GRIA1: variants seen among roughly 807,000 people sequenced by gnomAD.
GRIA1 encodes the protein glutamate ionotropic receptor AMPA type subunit 1.
A neutral mutation model predicts 99.2 loss-of-function variants in GRIA1; 31 were observed. The observed-to-expected ratio is 0.31, with a 90% CI of 0.23 to 0.42. The LOEUF (loss-of-function observed/expected upper bound fraction) is 0.42, where lower values mean the gene tolerates loss of function less well. GRIA1 is among the 10% of genes least tolerant of loss of function. GRIA1 has a pLI of 1.00. For synonymous variants in GRIA1, 438 were observed against 432.4 expected, an observed-to-expected ratio of 1.01 and a Z score of -0.16; for missense variants, 782 against 1,157.5, an observed-to-expected ratio of 0.68 and a Z score of 4.71.
intron 7 of GRIA1, among the ~76,000 whole-genome samples, chr5:153,681,055 TG>T (rs1193756593): frequency 6.6e-6 from 1 of 152,210 alleles, no homozygotes; most frequent in Non-Finnish European, 1.5e-5. Flanking sequence ...CTAATAGTTT[TG>T]TAGGCTGCAC....
At chr5:153,685,998 A>G (rs1053478267) in intron 7 of GRIA1, among the ~76,000 whole-genome samples, 1 of 152,234 alleles carries the variant, frequency 6.6e-6, no homozygotes, top group African/African-American at 2.4e-5. Context: ...ATTTGCCTAA[A>G]GAAATAGGTA....
At chr5:153,620,325 G>A (rs901399238) in intron 2 of GRIA1, among the ~76,000 whole-genome samples, 1 of 151,746 alleles carries the variant, frequency 6.6e-6, no homozygotes, top group African/African-American at 2.4e-5. Flanking sequence ...TGCTTAGAGA[G>A]GACACAAACA....
intron 1 of GRIA1, chr5:153,492,331 G>A (rs1351975654): frequency 6.6e-7 from 1 of 1,516,270 alleles, no homozygotes; most frequent in Non-Finnish European, 8.8e-7. Flanking sequence ...GTGTGTTAGT[G>A]CCTAACACGC....
rs576995939 is a variant in GRIA1 at position 153,529,706 on chromosome 5, T to G, written c.220+35641T>G. Among the ~76,000 whole-genome samples the G allele has an allele frequency of 1.7e-3, 257 of 152,318 alleles. 2 individuals are homozygous for G. The highest frequency in any genetic ancestry group is 5.7e-3 in the African/African-American group (235 of 41,580). On this transcript the variant is annotated intron_variant, in intron 2 of 15. Transcript: ENST00000285900. ...GGCACTTAGTAATGGTTATAAACTC[T>G]GAGGGTTATTCGTAACTGATGCCTG...
Position 153,752,730 on chromosome 5 carries a change from C to A in GRIA1, c.1824-11704C>A, listed in dbSNP as rs574652066. On this transcript the variant is annotated intron_variant, in intron 11 of 15. Coordinates refer to ENST00000285900, the MANE Select transcript of GRIA1 (RefSeq NM_000827.4). ...AAATGAATAAATAGTATGGTACTCA[C>A]AATCCTAGAGATTCCTGTCTCCTGG... is the stretch of plus-strand genomic sequence containing the variant. Among the ~76,000 whole-genome samples the A allele has an allele frequency of 6.6e-5, 10 of 152,266 alleles. No individual in the cohort carries two copies. The East Asian group carries it at 1.9e-3, about 29-fold the overall frequency.
chr5:153,520,903 GGTA>G (rs1757075678), intron 2 of GRIA1, among the ~76,000 whole-genome samples: 1 of 152,146 alleles, frequency 6.6e-6, no homozygotes, highest in South Asian at 2.1e-4. Context: ...CCATGAAGCA[GGTA>G]ATGTTTTAGG....
intron 11 of GRIA1, among the ~76,000 whole-genome samples, chr5:153,729,254 G>A (rs932568674): frequency 1.3e-5 from 2 of 151,904 alleles, no homozygotes; most frequent in African/African-American, 4.8e-5. Flanking sequence ...AGAGGGGGGA[G>A]CGATAGCATT....
At chr5:153,510,447 C>T (rs1755954056) in intron 2 of GRIA1, among the ~76,000 whole-genome samples, 1 of 152,106 alleles carries the variant, frequency 6.6e-6, no homozygotes, top group East Asian at 1.9e-4. Context: ...CCTGTAAATC[C>T]AGCGGGCATT....
At chr5:153,702,239 T>C (rs1267419983) in intron 10 of GRIA1, among the ~76,000 whole-genome samples, 1 of 152,222 alleles carries the variant, frequency 6.6e-6, no homozygotes, top group African/African-American at 2.4e-5. Flanking sequence ...GCAAATGAAG[T>C]TTCTGCTCCT....
chr5:153,776,765 G>A (rs191064652), intron 13 of GRIA1, among the ~76,000 whole-genome samples: 5 of 152,294 alleles, frequency 3.3e-5, no homozygotes, highest in Admixed American at 1.3e-4. Flanking sequence ...GCTATGAGTC[G>A]GGAAGAGGTA....
At chr5:153,650,919 A>AAAAAAAAAAT (rs1754526783) in intron 4 of GRIA1, among the ~76,000 whole-genome samples, 5 of 150,362 alleles carry the variant, frequency 3.3e-5, no homozygotes. Context: ...AAAAAAAAAA[A>AAAAAAAAAAT]AATTAGCTTG....
At chr5:153,669,348 CATT>C (rs1755980512) in intron 5 of GRIA1, among the ~76,000 whole-genome samples, 1 of 152,104 alleles carries the variant, frequency 6.6e-6, no homozygotes, top group Non-Finnish European at 1.5e-5. Context: ...CATTTTTAGC[CATT>C]ATTGTCATTT....
intron 2 of GRIA1, among the ~76,000 whole-genome samples, chr5:153,506,920 C>A (rs904539210): frequency 6.6e-6 from 1 of 151,994 alleles, no homozygotes; most frequent in African/African-American, 2.4e-5. Flanking sequence ...GCCAGGAGTT[C>A]GAGATCAGTC....
intron 5 of GRIA1, among the ~76,000 whole-genome samples, chr5:153,662,629 G>A (rs76804652): frequency 0.045 from 6,781 of 152,218 alleles, 163 homozygotes; most frequent in Middle Eastern, 0.088. Flanking sequence ...CATCTCACCC[G>A]GCGCCTCATT....
intron 11 of GRIA1, among the ~76,000 whole-genome samples, chr5:153,729,146 A>G (rs1400652609): frequency 6.6e-6 from 1 of 150,976 alleles, no homozygotes; most frequent in Non-Finnish European, 1.5e-5. Context: ...AAAAAACCAA[A>G]CACCGCATAT....
chr5:153,668,504 T>C (rs1561747763), intron 5 of GRIA1, among the ~76,000 whole-genome samples: 1 of 152,252 alleles, frequency 6.6e-6, no homozygotes. Context: ...GCCATGCTCT[T>C]CCAATTACTA....
At chr5:153,539,049 A>G (rs190868127) in intron 2 of GRIA1, among the ~76,000 whole-genome samples, 475 of 152,346 alleles carry the variant, frequency 3.1e-3, no homozygotes, top group African/African-American at 0.011. Flanking sequence ...TGAAGGGGTA[A>G]CTAGCTGGCC....
At chr5:153,608,759 A>G (rs560848840) in intron 2 of GRIA1, among the ~76,000 whole-genome samples, 11 of 152,126 alleles carry the variant, frequency 7.2e-5, no homozygotes, top group African/African-American at 2.6e-4. Flanking sequence ...TTTTCTGTTC[A>G]TTTTAATTTA....
chr5:153,695,860 C>T (rs1037020965), intron 8 of GRIA1, among the ~76,000 whole-genome samples: 3 of 152,248 alleles, frequency 2.0e-5, no homozygotes, highest in Non-Finnish European at 4.4e-5. Flanking sequence ...CATGTCCATG[C>T]TGGGTCACTG....
Sources: allele counts gnomAD v4.1 joint callset (sites outside exome capture counted in the v4.1 genomes callset), GRCh38; gene constraint gnomAD v4.1.1; transcripts MANE v1.5; gene names NCBI Gene and HGNC (gene_info 2026-07-23, HGNC 2026-07-21).